ACVR1C: variants seen among roughly 807,000 people sequenced by gnomAD.
The protein encoded by ACVR1C is activin receptor type-1C.
In ACVR1C, 23 loss-of-function variants were observed where a neutral mutation model predicts 57.9. The observed-to-expected ratio is 0.40, with a 90% CI of 0.29 to 0.56. ACVR1C has a LOEUF of 0.56. Ranked by LOEUF, ACVR1C falls within the 20% of genes least tolerant of loss-of-function variation. ACVR1C has a pLI of 0.50. For synonymous variants in ACVR1C, 214 were observed against 215.3 expected, an observed-to-expected ratio of 0.99 and a Z score of 0.05; for missense variants, 480 against 607.9, an observed-to-expected ratio of 0.79 and a Z score of 2.21.
chr2:157,593,364 TTCCTTTGTTTG>T (rs1689086857), intron 1 of ACVR1C, among the ~76,000 whole-genome samples: 1 of 152,172 alleles, frequency 6.6e-6, no homozygotes, highest in Non-Finnish European at 1.5e-5. Flanking sequence ...ATTACTACGT[TTCCTTTGTTTG>T]GAGTCTATAT....
At position 157,611,278 on chromosome 2, in the gene ACVR1C, T is replaced by A. The variant is rs76453953; in HGVS notation, c.73+17294A>T. 8.1e-3 allele frequency among the ~76,000 whole-genome samples: 1,228 copies of A among 152,296 alleles called. 32 individuals carry two copies. The East Asian group carries it at 0.087, about 11-fold the overall frequency. On this transcript the variant is annotated intron_variant, in intron 1 of 8. Transcript: ENST00000243349. ...CGCAGTACTGTAGTCTCTGTATGAC[T>A]TTTTTGCAGTAAACAGCATCAGTGG...
chr2:157,594,379 A>T (rs1463330758), intron 1 of ACVR1C, among the ~76,000 whole-genome samples: 1 of 146,574 alleles, frequency 6.8e-6, no homozygotes, highest in Non-Finnish European at 1.5e-5. Flanking sequence ...AATTCTCAAT[A>T]TAAGTGACTT....
chr2:157,545,643 T>C (rs1183861312), intron 4 of ACVR1C, among the ~76,000 whole-genome samples: 1 of 152,120 alleles, frequency 6.6e-6, no homozygotes, highest in Non-Finnish European at 1.5e-5. Context: ...AAAGTGAAGT[T>C]AGAGATCATT....
rs956411015 is a variant in ACVR1C at position 157,587,540 on chromosome 2, T to G, written c.74-123A>C. ...GAAAAAGGGTTTAAATAAAAACACT[T>G]GCTAAACACATGCTAAGCAATTACT... is the stretch of plus-strand genomic sequence containing the variant. On this transcript the variant is annotated intron_variant, in intron 1 of 8. Transcript: ENST00000243349. The G allele has an allele frequency of 1.1e-4, 79 of 695,276 alleles. No individual in the cohort carries two copies. The African/African-American group carries it at 1.3e-3, about 11-fold the overall frequency. The allele number at this position is 695,276 out of a possible 1,614,324, so 43.1% of individuals were successfully genotyped here.
At chr2:157,574,399 C>T (rs1018381919) in intron 2 of ACVR1C, among the ~76,000 whole-genome samples, 9 of 152,250 alleles carry the variant, frequency 5.9e-5, no homozygotes, top group African/African-American at 1.9e-4. Flanking sequence ...ACCCTCCTGA[C>T]CTAATCAAGT....
intron 1 of ACVR1C, among the ~76,000 whole-genome samples, chr2:157,611,895 G>A (rs1431925724): frequency 2.0e-5 from 3 of 152,210 alleles, no homozygotes; most frequent in Non-Finnish European, 4.4e-5. Context: ...GGCATAGGCT[G>A]TAGTAGACAA....
At chr2:157,593,664 A>C (rs1266680747) in intron 1 of ACVR1C, among the ~76,000 whole-genome samples, 1 of 152,216 alleles carries the variant, frequency 6.6e-6, no homozygotes, top group Non-Finnish European at 1.5e-5. Context: ...GCACTAGCAA[A>C]TCTGAAGGAA....
chr2:157,578,281 T>C lies in ACVR1C; in HGVS notation c.304+8906A>G, dbSNP rs762531251. Among the ~76,000 whole-genome samples the C allele has an allele frequency of 2.0e-5, 3 of 152,174 alleles. No individual in the cohort carries two copies. The South Asian group carries it at 6.2e-4, about 31-fold the overall frequency. On this transcript the variant is annotated intron_variant, in intron 2 of 8. Coordinates refer to ENST00000243349, the MANE Select transcript of ACVR1C (RefSeq NM_145259.3). Reference sequence around the variant, plus strand: ...GATTAGAAAGAATATACTTACATTCTATTCTTTTAAAAGTAACACAGAAAT... The same window carrying C: ...GATTAGAAAGAATATACTTACATTCCATTCTTTTAAAAGTAACACAGAAAT...
intron 1 of ACVR1C, among the ~76,000 whole-genome samples, chr2:157,621,117 C>A (rs1682761891): frequency 6.6e-6 from 1 of 152,102 alleles, no homozygotes; most frequent in African/African-American, 2.4e-5. Context: ...ATAAGCCAAG[C>A]TCTTGAGTCA....
intron 2 of ACVR1C, among the ~76,000 whole-genome samples, chr2:157,560,961 G>A (rs758538254): frequency 6.6e-6 from 1 of 152,104 alleles, no homozygotes; most frequent in Non-Finnish European, 1.5e-5. Flanking sequence ...TATTAAAATG[G>A]TAATCAGCTG....
At chr2:157,616,542 T>C (rs1053012429) in intron 1 of ACVR1C, among the ~76,000 whole-genome samples, 3 of 152,182 alleles carry the variant, frequency 2.0e-5, no homozygotes, top group Admixed American at 1.3e-4. Flanking sequence ...CATATCTAAA[T>C]CAGGTTCTAT....
intron 1 of ACVR1C, among the ~76,000 whole-genome samples, chr2:157,592,364 T>C (rs552911645): frequency 6.6e-6 from 1 of 152,190 alleles, no homozygotes; most frequent in South Asian, 2.1e-4. Context: ...TAAAAATTTA[T>C]CCTGGTTAAA....
chr2:157,552,673 C>G (rs1687950572), intron 3 of ACVR1C, among the ~76,000 whole-genome samples: 1 of 152,138 alleles, frequency 6.6e-6, no homozygotes, highest in Non-Finnish European at 1.5e-5. Flanking sequence ...GCAAATTAAT[C>G]AAGTACATAA....
At chr2:157,614,050 A>G (rs1682591099) in intron 1 of ACVR1C, among the ~76,000 whole-genome samples, 1 of 152,192 alleles carries the variant, frequency 6.6e-6, no homozygotes, top group East Asian at 1.9e-4. Flanking sequence ...TAATCTCTTT[A>G]GGACTATTCA....
At chr2:157,596,820 A>C (rs1339316392) in intron 1 of ACVR1C, among the ~76,000 whole-genome samples, 1 of 152,212 alleles carries the variant, frequency 6.6e-6, no homozygotes, top group Non-Finnish European at 1.5e-5. Context: ...ACTCTTTGGC[A>C]AAGAGTCAAG....
chr2:157,616,053 C>A (rs1682642410), intron 1 of ACVR1C, among the ~76,000 whole-genome samples: 1 of 152,124 alleles, frequency 6.6e-6, no homozygotes, highest in Non-Finnish European at 1.5e-5. Context: ...GGTTTGATGT[C>A]TTTCATTATA....
rs1682154533 is a variant in ACVR1C, at chr2:157,597,375, G to A, written c.74-9958C>T. The A allele has an allele frequency of 8.1e-6, 8 of 985,478 alleles. No homozygotes were observed. The Admixed American group carries it at 4.3e-4, about 53-fold the overall frequency. 61.0% of individuals were successfully genotyped at this position (985,478 alleles called of 1,614,324 possible). On this transcript the variant is annotated intron_variant, in intron 1 of 8. Transcript: ENST00000243349. ...CTCCCCTTGCCTGGACTTGCAGGTT[G>A]GAGCTCGGAGCCCTCCCCCAGAGCA... is the stretch of plus-strand genomic sequence containing the variant.
chr2:157,544,006 C>CTTAAAAA (rs1687680386), intron 5 of ACVR1C, among the ~76,000 whole-genome samples: 1 of 141,294 alleles, frequency 7.1e-6, no homozygotes, highest in African/African-American at 2.6e-5. Flanking sequence ...ATACCTTTAG[C>CTTAAAAA]TTTAAAAATT....
intron 1 of ACVR1C, among the ~76,000 whole-genome samples, chr2:157,614,091 G>A (rs1364053568): frequency 6.6e-6 from 1 of 152,074 alleles, no homozygotes; most frequent in Non-Finnish European, 1.5e-5. Context: ...TTAGTCTTTG[G>A]AAGTTTATAT....
Sources: allele counts gnomAD v4.1 joint callset (sites outside exome capture counted in the v4.1 genomes callset), GRCh38; gene constraint gnomAD v4.1.1; transcripts MANE v1.5; gene names NCBI Gene and HGNC (gene_info 2026-07-23, HGNC 2026-07-21).